The following PROM2 variants were observed in gnomAD, a reference collection of about 807,000 sequenced individuals.
PROM2 encodes prominin-2.
In PROM2, 90 loss-of-function variants were observed where a neutral mutation model predicts 110.2. That is an observed-to-expected ratio of 0.82 (90% CI 0.69 to 0.97). PROM2 has a LOEUF of 0.97. PROM2 is among the 50% of genes least tolerant of loss of function. The pLI is 0.00. For synonymous variants in PROM2, 470 were observed against 467.8 expected, an observed-to-expected ratio of 1.00 and a Z score of -0.06; for missense variants, 1,009 against 1,074.8, an observed-to-expected ratio of 0.94 and a Z score of 0.86.
chr2:95,288,879 G>C (rs1338066261), intron 22 of PROM2, 54 bp from the exon 23 acceptor site: 1 of 1,555,898 alleles, frequency 6.4e-7, no homozygotes, highest in Non-Finnish European at 8.9e-7. Flanking sequence ...CCCTGTGTCA[G>C]GGCTGAGGGT....
chr2:95,287,543 C>T, intron 20 of PROM2, 79 bp downstream of exon 20: 3 of 1,454,038 alleles, frequency 2.1e-6, no homozygotes, highest in East Asian at 2.3e-5. Flanking sequence ...CCCGCCCCCG[C>T]CCCCGGAGCC....
In PROM2 at chr2:95,288,994, T is replaced by C. The variant is rs1677546738; in HGVS notation, c.2503T>C (p.Ter835GlnextTer5). 3.1e-6 allele frequency: 5 copies of C among 1,613,492 alleles called. No individual in the cohort carries two copies. The highest frequency in any genetic ancestry group is 4.2e-6 in the Non-Finnish European group (5 of 1,179,590). The part of the protein sequence containing the change: ...HIPRVTSLKL[*>Q] Reference sequence around the variant, plus strand: ...CCCCCGGGTTACCTCCCTGAAGCTGTAGGGCCTTGTGGGTGAGTTTTCCCC... The same window carrying C: ...CCCCCGGGTTACCTCCCTGAAGCTGCAGGGCCTTGTGGGTGAGTTTTCCCC... The change falls in exon 23 of 24, where the codon TAG becomes CAG. Residue 835 changes from the stop codon to glutamine (Q), a stop_lost. Coordinates refer to ENST00000317620, the MANE Select transcript of PROM2 (RefSeq NM_001165978.3).
chr2:95,278,498 G>A, intron 8 of PROM2: 2 of 614,514 alleles, frequency 3.3e-6, no homozygotes, highest in Admixed American at 2.7e-5. Context: ...TGCAATGGTG[G>A]GAGAGGGATG....
At position 95,281,318 on chromosome 2, in the gene PROM2, G is replaced by T. The variant is rs752633419; in HGVS notation, c.1504G>T (p.Val502Leu). The T allele has an allele frequency of 7.4e-6, 12 of 1,613,354 alleles. No individual in the cohort carries two copies. In the South Asian group the frequency reaches 1.2e-4, roughly 16 times the overall value. Reference sequence around the variant, plus strand: ...CGCCACCTTCCTGGTGGGTGGCAACGTGCAGACGCTGGTGTGCCAGAGCTG... The same window carrying T: ...CGCCACCTTCCTGGTGGGTGGCAACTTGCAGACGCTGGTGTGCCAGAGCTG... ...VFATFLVGGN[V>L]QTLVCQSWEN... Residue 502 changes from valine to leucine, a missense_variant, in exon 12 of 24, where the codon GTG becomes TTG. Transcript: ENST00000317620.
chr2:95,282,012 T>C lies in PROM2; in HGVS notation c.1639T>C (p.Tyr547His), dbSNP rs1677077905. 2 of 1,613,868 alleles carry C rather than the reference T, an allele frequency of 1.2e-6. No individual in the cohort carries two copies. Among genetic ancestry groups the C allele is most frequent in the Non-Finnish European group, 1.7e-6 (2 of 1,179,834 alleles). ...LRKNISIHQA[Y>H]QQCKEGAALW... ...GAAGAACATCAGCATCCACCAAGCC[T>C]ATCAGTGAGTGGACAGCCTGGGCAG... Residue 547 changes from tyrosine to histidine, a missense_variant, in exon 13 of 24, where the codon TAT (tyrosine) becomes CAT (histidine). Physicochemically the swap from Tyr to His is moderately conservative, Grantham distance 83. Transcript: ENST00000317620.
chr2:95,288,068 A>G (rs1677476921), intron 20 of PROM2, 143 bp from the exon 21 acceptor site: 1 of 708,720 alleles, frequency 1.4e-6, no homozygotes, highest in African/African-American at 1.8e-5. Context: ...GCCTCTCTGC[A>G]TGTGTATACA....
At chr2:95,279,415 G>C (rs1342715278) in intron 10 of PROM2, among the ~76,000 whole-genome samples, 3 of 151,758 alleles carry the variant, frequency 2.0e-5, no homozygotes, top group African/African-American at 7.3e-5. Context: ...TCTTGCCTCA[G>C]CCTCCCAAGT....
At chr2:95,277,803 A>G (rs1412064852) in intron 7 of PROM2, 127 bp from the exon 8 acceptor site, 26 of 861,052 alleles carry the variant, frequency 3.0e-5, no homozygotes, top group Non-Finnish European at 4.3e-5. Context: ...AGTAAGAGCC[A>G]TGGCAGTCCT....
chr2:95,281,953 C>G lies in PROM2; in HGVS notation c.1580C>G (p.Pro527Arg), dbSNP rs146706380. ...EFADTPGNLP[P>R]SMNLSQLLGL... is the part of the protein sequence containing the mutation. ...GCAGACACCCCAGGGAACCTGCCCC[C>G]GTCCATGAACCTGTCGCAACTTCTT... Residue 527 changes from proline to arginine, a missense_variant, in exon 13 of 24, where the codon CCG becomes CGG. Physicochemically the swap from Pro to Arg is moderately radical, Grantham distance 103 (BLOSUM62 -2). Coordinates refer to ENST00000317620, the MANE Select transcript of PROM2 (RefSeq NM_001165978.3). 5 of 1,613,990 alleles carry G rather than the reference C, an allele frequency of 3.1e-6. No individual in the cohort carries two copies. Among genetic ancestry groups the G allele is most frequent in the Admixed American group, 1.7e-5 (1 of 60,006 alleles).
At chr2:95,287,948 T>A (rs1478909512) in intron 20 of PROM2, among the ~76,000 whole-genome samples, 1 of 152,194 alleles carries the variant, frequency 6.6e-6, no homozygotes, top group Non-Finnish European at 1.5e-5. Context: ...CACTGTGGCT[T>A]GACACACAGT....
chr2:95,286,542 G>C lies in PROM2; in HGVS notation c.2011G>C (p.Glu671Gln), dbSNP rs1194469605. The C allele has an allele frequency of 6.2e-7, 1 of 1,613,742 alleles. No homozygotes were observed. The highest frequency in any genetic ancestry group is 8.5e-7 in the Non-Finnish European group (1 of 1,179,964). The change falls in exon 17 of 24, where the codon GAG becomes CAG. Residue 671 changes from glutamate (E) to glutamine (Q), a missense_variant. Physicochemically the swap from Glu to Gln is conservative, Grantham distance 29 (BLOSUM62 2). Transcript: ENST00000317620. ...CCAAGGACTCAGAAACCTTCACCAG[G>C]AGAAGGTCGTCCCCCAGCAGAGCCT... ...EAQGLRNLHQ[E>Q]KVVPQQSLVA...
In PROM2 at chr2:95,286,576, G is replaced by A. The variant is rs1677369071; in HGVS notation, c.2040+5G>A. ...GTCCCCCAGCAGAGCCTTGTGGTCA[G>A]TTTGGAGGCCCGGGGAGCCTGGGGC... On this transcript the variant is annotated splice_donor_5th_base_variant and intron_variant, in intron 17 of 23. Coordinates refer to ENST00000317620, the MANE Select transcript of PROM2 (RefSeq NM_001165978.3). 1.9e-6 allele frequency: 3 copies of A among 1,612,654 alleles called. No homozygotes were observed.
At position 95,275,482 on chromosome 2, in the gene PROM2, A is replaced by G. The variant is rs1573442904; in HGVS notation, c.266A>G (p.Asn89Ser). 1.2e-6 allele frequency: 2 copies of G among 1,613,742 alleles called. No homozygotes were observed. The highest frequency in any genetic ancestry group is 1.7e-6 in the Non-Finnish European group (2 of 1,179,814). ...FPSELVKALL[N>S]ELASVKVNEV... ...ATAGAGTTGGTAAAGGCCCTACTGA[A>G]TGAGCTGGCCTCCGTGAAGGTGAAT... Residue 89 changes from asparagine to serine, a missense_variant, in exon 2 of 24, where the codon AAT becomes AGT. Transcript: ENST00000317620. This position sits in a 1 kb window ranked among gnomAD's most constrained non-coding sequence, Gnocchi z 4.4.
intron 8 of PROM2, chr2:95,278,455 TGG>T: frequency 1.7e-6 from 1 of 579,816 alleles, no homozygotes; most frequent in Admixed American, 3.0e-5. Flanking sequence ...GAGCTAGACC[TGG>T]CAGTTGTGTG....
In PROM2 at chr2:95,276,413, G is replaced by T; in HGVS notation, c.618+66G>T. 2.5e-6 allele frequency: 4 copies of T among 1,597,902 alleles called. No individual in the cohort carries two copies. The highest frequency in any genetic ancestry group is 2.6e-6 in the Non-Finnish European group (3 of 1,170,452). Reference sequence around the variant, plus strand: ...CACTGGGCCCGGGCAGGACAGAGCCGAGTGGGCCCTCGATGGCCCATAACC... The same window carrying T: ...CACTGGGCCCGGGCAGGACAGAGCCTAGTGGGCCCTCGATGGCCCATAACC... On this transcript the variant is annotated intron_variant, in intron 4 of 23. Coordinates refer to ENST00000317620, the MANE Select transcript of PROM2 (RefSeq NM_001165978.3). The surrounding 1 kb of genome is among the most constrained non-coding windows in gnomAD (Gnocchi z 4.6).
intron 20 of PROM2, among the ~76,000 whole-genome samples, chr2:95,287,770 T>A (rs1257319992): frequency 1.3e-5 from 2 of 152,202 alleles, no homozygotes; most frequent in Non-Finnish European, 2.9e-5. Flanking sequence ...CCAAGGCCAA[T>A]CCTCAAAGCC....
chr2:95,275,639 C>A lies in PROM2; in HGVS notation c.294+129C>A. ...CACTAGGCAGGGGCTCAGGCATCCTCTCCCCTCCTCTGTGGGCGCTGCAGT... is the reference window on the plus strand; with the variant it reads ...CACTAGGCAGGGGCTCAGGCATCCTATCCCCTCCTCTGTGGGCGCTGCAGT... On this transcript the variant is annotated intron_variant, in intron 2 of 23. Coordinates refer to ENST00000317620, the MANE Select transcript of PROM2 (RefSeq NM_001165978.3). The surrounding 1 kb of genome is among the most constrained non-coding windows in gnomAD (Gnocchi z 4.4). 7.4e-7 allele frequency: 1 copy of A among 1,358,020 alleles called. No individual in the cohort carries two copies. Among genetic ancestry groups the A allele is most frequent in the Non-Finnish European group, 1.0e-6 (1 of 1,001,644 alleles). The allele number at this position is 1,358,020 out of a possible 1,614,324, so 84.1% of individuals were successfully genotyped here. A position where few individuals can be genotyped will look rare whatever the true frequency, so the allele number is the denominator to read the frequency against.
intron 12 of PROM2, 84 bp downstream of exon 12, chr2:95,281,449 G>A (rs556924706): frequency 7.2e-7 from 1 of 1,392,024 alleles, no homozygotes; most frequent in Admixed American, 2.2e-5. Context: ...GGGGAAAGTG[G>A]GGGTCGGGGG....
In PROM2 at chr2:95,288,491, C is replaced by T. The variant is rs1185101962; in HGVS notation, c.2343C>T (p.Phe781=). ...CTCACGCCTTGTTGCAGAATGCCTT[C>T]TGGTTCTGCCTGGCATGGTGCACCT... ...CDMMADPWNA[F]WFCLAWCTFF... is the part of the protein sequence containing the mutation. The change falls in exon 22 of 24, where the codon TTC becomes TTT. Residue 781 remains phenylalanine, a synonymous_variant. Transcript: ENST00000317620. 1 of 1,613,956 alleles carries T rather than the reference C, an allele frequency of 6.2e-7. No homozygotes were observed. Among genetic ancestry groups the T allele is most frequent in the East Asian group, 2.2e-5 (1 of 44,892 alleles).
Sources: allele counts gnomAD v4.1 joint callset (sites outside exome capture counted in the v4.1 genomes callset), GRCh38; gene constraint gnomAD v4.1.1; non-coding constraint Gnocchi (gnomAD v3.1); transcripts MANE v1.5; gene names NCBI Gene and HGNC (gene_info 2026-07-23, HGNC 2026-07-21).